PXDNL: variants seen among roughly 807,000 people sequenced by gnomAD.
The protein encoded by PXDNL is peroxidasin like.
Under a neutral mutation model 150.8 loss-of-function variants are expected in PXDNL, and 145 were observed. The observed-to-expected ratio is 0.96, with a 90% CI of 0.84 to 1.10. The LOEUF (loss-of-function observed/expected upper bound fraction) is 1.10, where lower values mean the gene tolerates loss of function less well. Among genes scored for constraint, PXDNL ranks in the 50% least tolerant of loss-of-function variants. The pLI, the probability that PXDNL is intolerant of heterozygous loss-of-function variation, is 0.00. For missense variants in PXDNL, 2,087 were observed against 1,873.9 expected (o/e 1.11, Z -2.10); for synonymous variants, 757 against 725.7 (o/e 1.04, Z -0.69).
rs767286695 is a variant in PXDNL at position 51,472,225 on chromosome 8, T to C, written c.774A>G (p.Glu258=). ...AAATAATCTCAGGTTTGGGGTTTCC[T>C]TCCGCCCGGCAGGTGAAGTAGACGG... ...GNTVYFTCRA[E]GNPKPEIIWI... The change falls in exon 8 of 23, where the codon GAA becomes GAG. Residue 258 remains glutamate (E), a synonymous_variant. Transcript: ENST00000356297. 1.2e-5 allele frequency: 19 copies of C among 1,613,488 alleles called. No individual in the cohort carries two copies. Among genetic ancestry groups the C allele is most frequent in the Non-Finnish European group, 1.5e-5 (18 of 1,179,608 alleles).
Position 51,345,975 on chromosome 8 carries a change from C to T in PXDNL, c.3902-28G>A, listed in dbSNP as rs184214274. 7.3e-6 allele frequency: 10 copies of T among 1,372,028 alleles called. 1 individual carries two copies. In the Admixed American group the frequency reaches 1.5e-4, roughly 21 times the overall value. The allele number at this position is 1,372,028 out of a possible 1,614,324, so 85.0% of individuals were successfully genotyped here. On this transcript the variant is annotated intron_variant, in intron 19 of 22. Coordinates refer to ENST00000356297, the MANE Select transcript of PXDNL (RefSeq NM_144651.5). Reference sequence around the variant, plus strand: ...GTGGGGAAAGAAGTAACCACAATAGCATCATGTGAGATGCGATGTCATGAT... The same window carrying T: ...GTGGGGAAAGAAGTAACCACAATAGTATCATGTGAGATGCGATGTCATGAT...
In PXDNL at chr8:51,592,702, A is replaced by T; in HGVS notation, c.237-4T>A. On this transcript the variant is annotated splice_region_variant and splice_polypyrimidine_tract_variant and intron_variant, in intron 2 of 22. Coordinates refer to ENST00000356297, the MANE Select transcript of PXDNL (RefSeq NM_144651.5). ...GATGTGGTTGTTGTTCAGCAGACTGAAAAAGCAAAAACAAACAAATAATTC... is the reference window on the plus strand; with the variant it reads ...GATGTGGTTGTTGTTCAGCAGACTGTAAAAGCAAAAACAAACAAATAATTC... 6.5e-7 allele frequency: 1 copy of T among 1,540,098 alleles called. No individual in the cohort carries two copies.
chr8:51,447,895 C>G (rs930014962), intron 11 of PXDNL, among the ~76,000 whole-genome samples: 1 of 152,054 alleles, frequency 6.6e-6, no homozygotes, highest in Admixed American at 6.6e-5. Flanking sequence ...CCACAACCAC[C>G]CTATGATGTA....
At position 51,477,795 on chromosome 8, in the gene PXDNL, C is replaced by T. The variant is rs548129862; in HGVS notation, c.525-2654G>A. ...CCAGAGGTCATCACTGCTTGCTCAT[C>T]ACCTTCCCTCAGTCATACCTTCCCT... is the stretch of plus-strand genomic sequence containing the variant. On this transcript the variant is annotated intron_variant, in intron 6 of 22. Coordinates refer to ENST00000356297, the MANE Select transcript of PXDNL (RefSeq NM_144651.5). 1.4e-3 allele frequency among the ~76,000 whole-genome samples: 216 copies of T among 152,286 alleles called. 4 individuals are homozygous for T. Among genetic ancestry groups the T allele is most frequent in the African/African-American group, 4.9e-3 (205 of 41,560 alleles).
At chr8:51,352,049 T>C (rs1164805782) in intron 19 of PXDNL, among the ~76,000 whole-genome samples, 2 of 152,040 alleles carry the variant, frequency 1.3e-5, no homozygotes. Context: ...AGGGATGACA[T>C]GAGGGCGTGA....
At chr8:51,622,642 C>T (rs539013617) in intron 2 of PXDNL, among the ~76,000 whole-genome samples, 1 of 152,258 alleles carries the variant, frequency 6.6e-6, no homozygotes, top group South Asian at 2.1e-4. Context: ...GATGAACAAG[C>T]GGTGGTAGAA....
At chr8:51,347,100 G>T (rs1412660350) in intron 19 of PXDNL, among the ~76,000 whole-genome samples, 1 of 151,842 alleles carries the variant, frequency 6.6e-6, no homozygotes, top group Non-Finnish European at 1.5e-5. Context: ...AATAAAACAG[G>T]ATAACAACCC....
At chr8:51,466,695 C>T (rs1440092229) in intron 8 of PXDNL, among the ~76,000 whole-genome samples, 4 of 152,006 alleles carry the variant, frequency 2.6e-5, no homozygotes, top group Non-Finnish European at 5.9e-5. Context: ...AACAAATCAA[C>T]AAACAAAACA....
intron 5 of PXDNL, among the ~76,000 whole-genome samples, chr8:51,486,794 A>ATATAT (rs1810773699): frequency 4.0e-5 from 1 of 24,714 alleles, no homozygotes; most frequent in African/African-American, 1.8e-4. Flanking sequence ...ATATATATAT[A>ATATAT]TTTTTTTTTT....
intron 5 of PXDNL, among the ~76,000 whole-genome samples, chr8:51,492,340 C>T (rs1810914390): frequency 1.3e-5 from 2 of 152,122 alleles, no homozygotes; most frequent in East Asian, 3.9e-4. Context: ...CTCCAGTCTA[C>T]AGTTCCCAGC....
chr8:51,800,977 C>A (rs2037612794), intron 1 of PXDNL, among the ~76,000 whole-genome samples: 1 of 152,160 alleles, frequency 6.6e-6, no homozygotes, highest in African/African-American at 2.4e-5. Flanking sequence ...TTTTAGGGAA[C>A]AAGGGAAGAC....
rs2130745936 is a variant in PXDNL, at chr8:51,359,565, A to T, written c.3901+12308T>A. Among the ~76,000 whole-genome samples, 3 of 152,272 alleles carry T rather than the reference A, an allele frequency of 2.0e-5. No individual in the cohort carries two copies. The South Asian group carries it at 6.2e-4, about 32-fold the overall frequency. On this transcript the variant is annotated intron_variant, in intron 19 of 22. Coordinates refer to ENST00000356297, the MANE Select transcript of PXDNL (RefSeq NM_144651.5). Reference sequence around the variant, plus strand: ...AATAAAGAACGTTTCAGAAGGAAAAAAAAATATTTGGAGGACACGTACAGA... The same window carrying T: ...AATAAAGAACGTTTCAGAAGGAAAATAAAATATTTGGAGGACACGTACAGA...
intron 1 of PXDNL, among the ~76,000 whole-genome samples, chr8:51,777,564 C>A (rs759057559): frequency 6.6e-6 from 1 of 152,180 alleles, no homozygotes; most frequent in Non-Finnish European, 1.5e-5. Context: ...TTAGTCAGTA[C>A]CAAGTACACA....
intron 1 of PXDNL, among the ~76,000 whole-genome samples, chr8:51,789,210 T>TG (rs1303155698): frequency 2.6e-5 from 4 of 151,056 alleles, no homozygotes; most frequent in African/African-American, 4.9e-5. Flanking sequence ...TTTTTTTTTT[T>TG]GCTGTGTTTT....
At chr8:51,658,842 TCTCCACAGTA>T (rs1166503309) in intron 1 of PXDNL, among the ~76,000 whole-genome samples, 3 of 152,298 alleles carry the variant, frequency 2.0e-5, no homozygotes, top group Middle Eastern at 6.8e-3. Context: ...TTGTCTAACT[TCTCCACAGTA>T]CTCCACAGTG....
intron 21 of PXDNL, among the ~76,000 whole-genome samples, chr8:51,329,982 G>A (rs943152541): frequency 1.3e-5 from 2 of 152,206 alleles, no homozygotes; most frequent in Middle Eastern, 3.2e-3. Context: ...TGAGTCTGAA[G>A]GCCTGAGAAC....
chr8:51,509,564 C>A (rs964816453), intron 4 of PXDNL, among the ~76,000 whole-genome samples: 1 of 152,048 alleles, frequency 6.6e-6, no homozygotes, highest in South Asian at 2.1e-4. Context: ...CTGCGCTGTG[C>A]CTCCCTGGCA....
At chr8:51,459,111 T>C (rs903909286) in intron 8 of PXDNL, among the ~76,000 whole-genome samples, 16 of 152,190 alleles carry the variant, frequency 1.1e-4, no homozygotes, top group African/African-American at 2.9e-4. Flanking sequence ...TCAGTGTAAG[T>C]AGCATGAAAC....
chr8:51,367,740 G>A (rs185405081), intron 19 of PXDNL, among the ~76,000 whole-genome samples: 52 of 152,212 alleles, frequency 3.4e-4, no homozygotes, highest in Middle Eastern at 6.8e-3. Context: ...AAAAATGCAC[G>A]ACAATGGATT....
Sources: gnomAD v4.1 joint callset for allele counts (sites outside exome capture counted in the v4.1 genomes callset) on GRCh38, gnomAD v4.1.1 for gene constraint, MANE v1.5 for transcripts, NCBI Gene and HGNC (gene_info 2026-07-23, HGNC 2026-07-21) for gene names.